The following VPS13B variants were observed in gnomAD, a reference collection of about 807,000 sequenced individuals.
The protein encoded by VPS13B is intermembrane lipid transfer protein VPS13B.
A neutral mutation model predicts 426.4 loss-of-function variants in VPS13B; 285 were observed. The ratio of observed to expected loss-of-function variants is 0.67; its 90% CI spans 0.61 to 0.74. The LOEUF is 0.74. VPS13B is among the 30% of genes least tolerant of loss of function. The probability of loss-of-function intolerance (pLI) is 0.00; values close to 1 mark genes in which losing one functional copy is unlikely to be tolerated. For synonymous variants in VPS13B, 1,676 were observed against 1,676.4 expected (o/e 1.00, Z 0.01); for missense variants, 4,537 against 4,782.6 (o/e 0.95, Z 1.51).
chr8:99,537,580 A>C (rs903874432), intron 30 of VPS13B, among the ~76,000 whole-genome samples: 12 of 152,204 alleles, frequency 7.9e-5, no homozygotes, highest in African/African-American at 2.4e-4. Context: ...CAACAGTGCT[A>C]AACAGAAGTT....
intron 39 of VPS13B, among the ~76,000 whole-genome samples, chr8:99,748,401 C>T (rs529070635): frequency 5.3e-5 from 8 of 152,106 alleles, no homozygotes; most frequent in Non-Finnish European, 7.4e-5. Context: ...TGAGAGGCTT[C>T]TTTGTTCCCT....
chr8:99,713,549 G>T (rs1832791401), intron 36 of VPS13B, among the ~76,000 whole-genome samples: 1 of 152,164 alleles, frequency 6.6e-6, no homozygotes, highest in Admixed American at 6.5e-5. Flanking sequence ...GTATCAGTAT[G>T]CATTCATGGT....
At chr8:99,304,763 A>AT (rs1237893385) in intron 19 of VPS13B, among the ~76,000 whole-genome samples, 2 of 151,986 alleles carry the variant, frequency 1.3e-5, no homozygotes, top group African/African-American at 4.8e-5. Flanking sequence ...CTGTTCTCTC[A>AT]TTTTCCATCT....
intron 21 of VPS13B, among the ~76,000 whole-genome samples, chr8:99,408,314 G>A (rs981607831): frequency 6.6e-6 from 1 of 152,150 alleles, no homozygotes; most frequent in African/African-American, 2.4e-5. Context: ...TGGCCATAGT[G>A]TATATCTATA....
intron 31 of VPS13B, among the ~76,000 whole-genome samples, chr8:99,569,397 C>G (rs1588504120): frequency 1.3e-5 from 2 of 151,402 alleles, no homozygotes; most frequent in Admixed American, 6.6e-5. Flanking sequence ...CCACTCCACT[C>G]TAGCCTGGGT....
chr8:99,120,267 G>T (rs1394248387), intron 7 of VPS13B: 1 of 151,642 alleles, frequency 6.6e-6, no homozygotes, highest in Non-Finnish European at 1.5e-5. Flanking sequence ...GCTCAGGCTG[G>T]TCTCGAACTC....
intron 37 of VPS13B, among the ~76,000 whole-genome samples, chr8:99,719,486 G>A (rs1833052510): frequency 6.6e-6 from 1 of 152,056 alleles, no homozygotes; most frequent in Non-Finnish European, 1.5e-5. Context: ...TAAGGCTAGG[G>A]TTTAAAACTT....
intron 33 of VPS13B, among the ~76,000 whole-genome samples, chr8:99,631,550 G>A (rs181804420): frequency 6.6e-4 from 101 of 152,090 alleles, no homozygotes; most frequent in Non-Finnish European, 1.4e-3. Context: ...AAAAGCTTTG[G>A]CATAACACAT....
chr8:99,425,380 C>T (rs1197307248), intron 21 of VPS13B, among the ~76,000 whole-genome samples: 16 of 152,154 alleles, frequency 1.1e-4, no homozygotes, highest in Non-Finnish European at 1.8e-4. Context: ...ATCAAGTGGG[C>T]TTCATCCCTG....
Position 99,275,289 on chromosome 8 carries a change from CTTTTTTTT to C in VPS13B, c.2824+46_2824+53del, listed in dbSNP as rs11332378. 1.3e-5 allele frequency: 15 copies of C among 1,195,724 alleles called. 1 individual carries two copies. In the East Asian group the frequency reaches 2.1e-4, roughly 17 times the overall value. The allele number at this position is 1,195,724 out of a possible 1,614,324, so 74.1% of individuals were successfully genotyped here. ...AACCTATCATTATTCCCTTGTTTTG[CTTTTTTTT>C]TTTTTTTTTTCCAGAAAGGCTTTTA... On this transcript the variant is annotated intron_variant, in intron 19 of 61. Coordinates refer to ENST00000357162, the MANE Select transcript of VPS13B (RefSeq NM_152564.5).
intron 23 of VPS13B, among the ~76,000 whole-genome samples, chr8:99,450,207 C>G (rs185481412): frequency 6.6e-6 from 1 of 152,080 alleles, no homozygotes; most frequent in Admixed American, 6.6e-5. Flanking sequence ...TGAGAAATGA[C>G]AGGAGAAAAA....
intron 33 of VPS13B, among the ~76,000 whole-genome samples, chr8:99,583,799 G>A (rs1371139823): frequency 6.6e-6 from 1 of 152,108 alleles, no homozygotes; most frequent in Admixed American, 6.6e-5. Context: ...AATGCATGTG[G>A]GTAAAGGGGG....
chr8:99,740,167 A>G (rs919536673), intron 39 of VPS13B, among the ~76,000 whole-genome samples: 7 of 152,198 alleles, frequency 4.6e-5, no homozygotes, highest in African/African-American at 1.4e-4. Flanking sequence ...CAAGAACTAC[A>G]TGAGGAATGC....
At chr8:99,334,523 G>T (rs536631209) in intron 19 of VPS13B, among the ~76,000 whole-genome samples, 3 of 152,160 alleles carry the variant, frequency 2.0e-5, no homozygotes, top group Admixed American at 1.3e-4. Flanking sequence ...TTTGAGATAC[G>T]TCCCATCAAT....
intron 21 of VPS13B, among the ~76,000 whole-genome samples, chr8:99,405,555 A>G (rs1815274681): frequency 6.6e-6 from 1 of 152,184 alleles, no homozygotes; most frequent in South Asian, 2.1e-4. Context: ...CATTGTTCAC[A>G]TGGCAGCAAG....
chr8:99,247,780 AT>A (rs1169721387), intron 17 of VPS13B, among the ~76,000 whole-genome samples: 1 of 151,718 alleles, frequency 6.6e-6, no homozygotes, highest in Non-Finnish European at 1.5e-5. Flanking sequence ...ACTATCTTAA[AT>A]TTTTTTTTCA....
intron 43 of VPS13B, among the ~76,000 whole-genome samples, chr8:99,788,828 G>T (rs530369277): frequency 7.2e-5 from 11 of 152,276 alleles, no homozygotes; most frequent in African/African-American, 2.6e-4. Context: ...GCCTAAGTTT[G>T]CCAACACTTG....
At chr8:99,713,594 C>G (rs1287147404) in intron 36 of VPS13B, among the ~76,000 whole-genome samples, 2 of 152,022 alleles carry the variant, frequency 1.3e-5, no homozygotes, top group African/African-American at 4.8e-5. Context: ...GAGAGAGAGA[C>G]AAAGATATGT....
At chr8:99,487,496 A>G (rs1285681226) in intron 25 of VPS13B, among the ~76,000 whole-genome samples, 1 of 152,182 alleles carries the variant, frequency 6.6e-6, no homozygotes, top group Non-Finnish European at 1.5e-5. Flanking sequence ...AAAATGTACA[A>G]TTTAGTGGCA....
Sources: allele counts gnomAD v4.1 joint callset (sites outside exome capture counted in the v4.1 genomes callset), GRCh38; gene constraint gnomAD v4.1.1; transcripts MANE v1.5; gene names NCBI Gene and HGNC (gene_info 2026-07-23, HGNC 2026-07-21).